The following MUC4 variants were observed in gnomAD, a reference collection of about 807,000 sequenced individuals.
MUC4 encodes mucin-4.
MUC4 carries 202 observed loss-of-function variants against 257.9 expected under a neutral mutation model. The observed-to-expected ratio is 0.78, with a 90% confidence interval of 0.70 to 0.88. MUC4 has a LOEUF of 0.88. Ranked by LOEUF, MUC4 falls within the 40% of genes least tolerant of loss-of-function variation. MUC4 has a pLI of 0.00. For missense variants in MUC4, 5,976 were observed against 6,513.7 expected (o/e 0.92, Z 2.84); for synonymous variants, 2,351 against 2,757.1 (o/e 0.85, Z 4.62).
intron 1 of MUC4, among the ~76,000 whole-genome samples, chr3:195,805,415 C>T (rs1235205076): frequency 2.6e-5 from 4 of 152,190 alleles, no homozygotes; most frequent in Admixed American, 2.0e-4. Flanking sequence ...GCCTCCTTCT[C>T]GGAGGTGCCA....
intron 1 of MUC4, among the ~76,000 whole-genome samples, chr3:195,794,348 T>C (rs1385950871): frequency 6.7e-6 from 1 of 149,234 alleles, no homozygotes; most frequent in African/African-American, 2.5e-5. Flanking sequence ...AACTTCTTTC[T>C]TTTTTCTTTT....
intron 1 of MUC4, among the ~76,000 whole-genome samples, chr3:195,804,093 C>G (rs750833917): frequency 1.3e-5 from 2 of 152,214 alleles, no homozygotes; most frequent in African/African-American, 4.8e-5. Context: ...GACATTCTCT[C>G]AGAGGAAGAG....
rs748307710 is a variant in MUC4, at chr3:195,754,337, G to A, written c.15204C>T (p.Gly5068=). Residue 5068 remains glycine, a synonymous_variant, in exon 19 of 25, where the codon GGC becomes GGT. Transcript: ENST00000463781. The part of the protein sequence containing the change: ...AGCKCDGGTF[G]RYCEGSEDAC... ...CATCCTCGGAGCCCTCGCAGTAGCGGCCGAAGGTGCCCCCGTCACACTTGC... is the reference window on the plus strand; with the variant it reads ...CATCCTCGGAGCCCTCGCAGTAGCGACCGAAGGTGCCCCCGTCACACTTGC... 1.2e-6 allele frequency: 2 copies of A among 1,611,592 alleles called. No individual in the cohort carries two copies. Among genetic ancestry groups the A allele is most frequent in the Non-Finnish European group, 8.5e-7 (1 of 1,179,444 alleles).
rs767767811 is a variant in MUC4 at position 195,765,359 on chromosome 3, C to T, written c.13709G>A (p.Arg4570Gln). 8.7e-6 allele frequency: 14 copies of T among 1,613,498 alleles called. No individual in the cohort carries two copies. Among genetic ancestry groups the T allele is most frequent in the Admixed American group, 5.0e-5 (3 of 59,998 alleles). The change falls in exon 9 of 25, where the codon CGG (arginine) becomes CAG (glutamine). Residue 4570 changes from arginine (R) to glutamine (Q), a missense_variant. Coordinates refer to ENST00000463781, the MANE Select transcript of MUC4 (RefSeq NM_018406.7). The stretch of plus-strand genomic sequence containing the variant: ...CTGGTTCCAGCCCCAGCTGGGCCAC[C>T]GAGGCTGGCTCTTCAGCCACTGCAG... ...ECLQWLKSQPRWPSWGWNQVS... is the reference protein window; with the variant it reads ...ECLQWLKSQPQWPSWGWNQVS...
In MUC4 at chr3:195,788,072, G is replaced by A. The variant is rs1304418588; in HGVS notation, c.3508C>T (p.Pro1170Ser). The change falls in exon 2 of 25, where the codon CCT becomes TCT. Residue 1170 changes from proline to serine, a missense_variant. Physicochemically the swap from Pro to Ser is moderately conservative, Grantham distance 74. Coordinates refer to ENST00000463781, the MANE Select transcript of MUC4 (RefSeq NM_018406.7). ...SASTGQATPL[P>S]VTSLSSVSTG... ...GATACTGAGGAAAGGCTGGTGACAG[G>A]AAGAGGGGTGGCCTGACCTGTGGAT... 1.3e-6 allele frequency: 2 copies of A among 1,493,278 alleles called. No individual in the cohort carries two copies. Among genetic ancestry groups the A allele is most frequent in the African/African-American group, 1.6e-5 (1 of 63,166 alleles). The allele number at this position is 1,493,278 out of a possible 1,614,324, so 92.5% of individuals were successfully genotyped here. A position where few individuals can be genotyped will look rare whatever the true frequency, so the allele number is the denominator to read the frequency against.
rs1450417899 is a variant in MUC4, at chr3:195,781,562, C to T, written c.10018G>A (p.Gly3340Ser). 2 of 1,279,558 alleles carry T rather than the reference C, an allele frequency of 1.6e-6. No homozygotes were observed. Among genetic ancestry groups the T allele is most frequent in the African/African-American group, 1.7e-5 (1 of 59,994 alleles). The allele number at this position is 1,279,558 out of a possible 1,614,324, so 79.3% of individuals were successfully genotyped here. A position where few individuals can be genotyped will look rare whatever the true frequency, so the allele number is the denominator to read the frequency against. The change falls in exon 2 of 25, where the codon GGT becomes AGT. Residue 3340 changes from glycine (G) to serine (S), a missense_variant. By Grantham distance (56) the Gly-to-Ser change is moderately conservative. Transcript: ENST00000463781. ...GTGACAGGCACAGGGGTGGTGTCACCTGTGGATGCTGAGGAAGGGCTGGTG... is the reference window on the plus strand; with the variant it reads ...GTGACAGGCACAGGGGTGGTGTCACTTGTGGATGCTGAGGAAGGGCTGGTG... ...HVTSPSSAST[G>S]DTTPVPVTDT...
intron 19 of MUC4, chr3:195,753,442 G>A: frequency 1.8e-6 from 1 of 563,052 alleles, no homozygotes. Context: ...CACTTTTGTG[G>A]AGGGACTGGA....
Position 195,747,448 on chromosome 3 carries a change from G to C in MUC4, c.16035-68C>G, listed in dbSNP as rs868173942. The C allele has an allele frequency of 1.9e-4, 286 of 1,519,280 alleles. No individual in the cohort carries two copies. The South Asian group carries it at 2.4e-3, about 13-fold the overall frequency. 94.1% of individuals were successfully genotyped at this position (1,519,280 alleles called of 1,614,324 possible). A position where few individuals can be genotyped will look rare whatever the true frequency, so the allele number is the denominator to read the frequency against. ...TCAGCCTCCCAGCCCCTCCTCTTCT[G>C]CTGGGGAAGAAGAGGTTCTGTAGGA... On this transcript the variant is annotated intron_variant, in intron 24 of 24. Transcript: ENST00000463781.
At chr3:195,799,597 C>T (rs1489787500) in intron 1 of MUC4, among the ~76,000 whole-genome samples, 4 of 152,112 alleles carry the variant, frequency 2.6e-5, no homozygotes, top group Admixed American at 1.3e-4. Flanking sequence ...CCACCGCGCC[C>T]GGCCTAAACA....
Position 195,790,584 on chromosome 3 carries a change from G to A in MUC4, c.996C>T (p.Thr332=). The A allele has an allele frequency of 1.2e-6, 2 of 1,613,998 alleles. No homozygotes were observed. Among genetic ancestry groups the A allele is most frequent in the Non-Finnish European group, 1.7e-6 (2 of 1,179,876 alleles). Residue 332 remains threonine, a synonymous_variant, in exon 2 of 25, where the codon ACC becomes ACT. Transcript: ENST00000463781. The part of the protein sequence containing the change: ...SKNHQTQSVE[T]TRVSQINTLN... ...GGGTGTTGATTTGAGATACTCTGGT[G>A]GTCTCCACGCTCTGAGTCTGGTGGT...
At chr3:195,767,560 A>T (rs531310021) in intron 7 of MUC4, among the ~76,000 whole-genome samples, 1 of 37,650 alleles carries the variant, frequency 2.7e-5, no homozygotes, top group African/African-American at 1.3e-4. Context: ...CACCATTACC[A>T]TTGCCACCAC....
At position 195,778,366 on chromosome 3, in the gene MUC4, T is replaced by A; in HGVS notation, c.12880A>T (p.Ile4294Phe). The change falls in exon 3 of 25, where the codon ATT becomes TTT. Residue 4294 changes from isoleucine (I) to phenylalanine (F), a missense_variant. Physicochemically the swap from Ile to Phe is conservative, Grantham distance 21. Coordinates refer to ENST00000463781, the MANE Select transcript of MUC4 (RefSeq NM_018406.7). Reference protein sequence around the residue: ...PTTSQTIISTIPSTAMHTRST... With the variant: ...PTTSQTIISTFPSTAMHTRST... ...CGGGTGTGCATGGCAGTGCTGGGAA[T>A]GGTGGAAATGATGGTCTGGGAGGTT... The A allele has an allele frequency of 6.2e-7, 1 of 1,612,856 alleles. No individual in the cohort carries two copies. The highest frequency in any genetic ancestry group is 8.5e-7 in the Non-Finnish European group (1 of 1,179,810).
chr3:195,795,320 G>A (rs1734435190), intron 1 of MUC4, among the ~76,000 whole-genome samples: 1 of 152,050 alleles, frequency 6.6e-6, no homozygotes, highest in Non-Finnish European at 1.5e-5. Context: ...ATCAGTGTCA[G>A]CAGCAGAAGT....
chr3:195,767,735 A>ATCATTG lies in MUC4; in HGVS notation c.13530-985_13530-984insCAATGA, dbSNP rs1560264288. Among the ~76,000 whole-genome samples the ATCATTG allele has an allele frequency of 1.4e-3, 23 of 16,580 alleles. 2 individuals are homozygous for ATCATTG. Among genetic ancestry groups the ATCATTG allele is most frequent in the African/African-American group, 3.4e-3 (10 of 2,920 alleles). The allele number at this position is 16,580 out of a possible 152,430, so 10.9% of individuals were successfully genotyped here. ...ATCGGCCACCACCACCATCACCACC[A>ATCATTG]CCATCACCATCGCCACCACCACCAT... On this transcript the variant is annotated intron_variant, in intron 7 of 24. Coordinates refer to ENST00000463781, the MANE Select transcript of MUC4 (RefSeq NM_018406.7).
rs769759889 is a variant in MUC4, at chr3:195,781,086, G to C, written c.10494C>G (p.Ser3498=). The change falls in exon 2 of 25, where the codon TCC becomes TCG. Residue 3498 remains serine, a synonymous_variant. Transcript: ENST00000463781. ...PLHVTIPSSA[S]TGDTSTLPVT... Reference sequence around the variant, plus strand: ...CAGGAAGAGTGCTGGTGTCACCTGTGGATGCTGAGGAAGGGATGGTGACAT... The same window carrying C: ...CAGGAAGAGTGCTGGTGTCACCTGTCGATGCTGAGGAAGGGATGGTGACAT... 2.0e-6 allele frequency: 3 copies of C among 1,493,012 alleles called. No homozygotes were observed. The highest frequency in any genetic ancestry group is 2.4e-5 in the South Asian group (2 of 81,862). The allele number at this position is 1,493,012 out of a possible 1,614,324, so 92.5% of individuals were successfully genotyped here. A position where few individuals can be genotyped will look rare whatever the true frequency, so the allele number is the denominator to read the frequency against.
In MUC4 at chr3:195,752,415, G is replaced by A. The variant is rs1161097937; in HGVS notation, c.15540C>T (p.Leu5180=). ...ELPLRVIQLL[L]SEEENASMAE... ...CCATGGAGGCATTTTCCTCTTCACT[G>A]AGCAAGAGCTGGATGACTCTTAAGG... The change falls in exon 21 of 25, where the codon CTC becomes CTT. Residue 5180 remains leucine (L), a synonymous_variant. Coordinates refer to ENST00000463781, the MANE Select transcript of MUC4 (RefSeq NM_018406.7). 1.2e-6 allele frequency: 2 copies of A among 1,614,076 alleles called. No individual in the cohort carries two copies. Among genetic ancestry groups the A allele is most frequent in the African/African-American group, 2.7e-5 (2 of 75,074 alleles).
rs71180950 is a variant in MUC4 at position 195,746,885 on chromosome 3, CGT to C, written c.*289_*290del. 5.6e-3 allele frequency: 2,701 copies of C among 479,470 alleles called. No individual in the cohort carries two copies. The highest frequency in any genetic ancestry group is 7.5e-3 in the Middle Eastern group (14 of 1,862). The allele number at this position is 479,470 out of a possible 1,614,324, so 29.7% of individuals were successfully genotyped here. Reference sequence around the variant, plus strand: ...TAGGGCCATCACCACATTATGAACTCGTGTGTGTGTGTGTGTGTGTGCACGCG... The same window carrying C: ...TAGGGCCATCACCACATTATGAACTCGTGTGTGTGTGTGTGTGTGCACGCG... On this transcript the variant is annotated 3_prime_UTR_variant, in exon 25 of 25. Coordinates refer to ENST00000463781, the MANE Select transcript of MUC4 (RefSeq NM_018406.7).
At chr3:195,809,050 C>T (rs1303522115) in intron 1 of MUC4, among the ~76,000 whole-genome samples, 8 of 152,200 alleles carry the variant, frequency 5.3e-5, no homozygotes, top group Admixed American at 5.2e-4. Context: ...ACCCAGTTGC[C>T]TTTCCCTGTG....
intron 18 of MUC4, among the ~76,000 whole-genome samples, chr3:195,756,920 A>G (rs1455192967): frequency 6.6e-6 from 1 of 152,104 alleles, no homozygotes; most frequent in East Asian, 1.9e-4. Flanking sequence ...CTCAGCCTCC[A>G]AAAGTGCTGA....
Sources: allele counts gnomAD v4.1 joint callset (sites outside exome capture counted in the v4.1 genomes callset), GRCh38; gene constraint gnomAD v4.1.1; transcripts MANE v1.5; gene names NCBI Gene and HGNC (gene_info 2026-07-23, HGNC 2026-07-21).